ARHGAP26: variants seen among roughly 807,000 people sequenced by gnomAD.
The protein encoded by ARHGAP26 is Rho GTPase activating protein 26.
A neutral mutation model predicts 104.8 loss-of-function variants in ARHGAP26; 38 were observed. That is an observed-to-expected ratio of 0.36 (90% CI 0.28 to 0.48). The LOEUF (loss-of-function observed/expected upper bound fraction) is 0.48, where lower values mean the gene tolerates loss of function less well. ARHGAP26 is among the 20% of genes least tolerant of loss of function. The pLI is 0.99. For synonymous variants in ARHGAP26, 341 were observed against 340.0 expected (o/e 1.00, Z -0.03); for missense variants, 704 against 947.9 (o/e 0.74, Z 3.38).
intron 12 of ARHGAP26, among the ~76,000 whole-genome samples, chr5:143,025,753 C>A (rs1227590070): frequency 6.6e-6 from 1 of 152,218 alleles, no homozygotes; most frequent in African/African-American, 2.4e-5. Context: ...TAGTCCTCAG[C>A]CTGTGCTGTG....
rs1017633330 is a variant in ARHGAP26, at chr5:142,797,008, C to T, written c.154+26093C>T. Among the ~76,000 whole-genome samples, 18 of 152,276 alleles carry T rather than the reference C, an allele frequency of 1.2e-4. No homozygotes were observed. In the South Asian group the frequency reaches 3.7e-3, roughly 32 times the overall value. ...AGCCTGGTTGGCTATATCATCTGTG[C>T]AATAAGAATCCAAAAGTTGTTGGAA... On this transcript the variant is annotated intron_variant, in intron 1 of 22. Coordinates refer to ENST00000645722, the MANE Select transcript of ARHGAP26 (RefSeq NM_001135608.3).
chr5:143,178,642 ACAG>A (rs1803854335), intron 20 of ARHGAP26, among the ~76,000 whole-genome samples: 1 of 152,184 alleles, frequency 6.6e-6, no homozygotes, highest in Admixed American at 6.5e-5. Flanking sequence ...GTACTTAACA[ACAG>A]CTGCTGCTGC....
In ARHGAP26 at chr5:143,172,951, C is replaced by T. The variant is rs1215982203; in HGVS notation, c.1988+25570C>T. 1.7e-5 allele frequency: 3 copies of T among 179,724 alleles called. No individual in the cohort carries two copies. The East Asian group carries it at 2.8e-4, about 16-fold the overall frequency. The allele number at this position is 179,724 out of a possible 1,614,324, so 11.1% of individuals were successfully genotyped here. A position where few individuals can be genotyped will look rare whatever the true frequency, so the allele number is the denominator to read the frequency against. On this transcript the variant is annotated intron_variant, in intron 20 of 22. Transcript: ENST00000645722. ...TATTGAGGCTGACTGGAATTCTTGT[C>T]TCCATAGGGTTCATGCGAGTTCAGC... is the stretch of plus-strand genomic sequence containing the variant.
intron 17 of ARHGAP26, among the ~76,000 whole-genome samples, chr5:143,118,866 C>T (rs1487663958): frequency 6.6e-6 from 1 of 151,438 alleles, no homozygotes. Context: ...GTGCAGCACA[C>T]CAGCATGGCA....
chr5:143,003,116 A>C (rs1489303598), intron 11 of ARHGAP26, among the ~76,000 whole-genome samples: 1 of 152,198 alleles, frequency 6.6e-6, no homozygotes, highest in Non-Finnish European at 1.5e-5. Flanking sequence ...CACCCACAAC[A>C]ATCAGTGTTA....
chr5:142,995,000 A>G (rs1044589986), intron 11 of ARHGAP26, among the ~76,000 whole-genome samples: 2 of 152,234 alleles, frequency 1.3e-5, no homozygotes, highest in African/African-American at 4.8e-5. Context: ...CTTACACCTT[A>G]TACAAAAATT....
rs1410884685 is a variant in ARHGAP26 at position 143,224,584 on chromosome 5, A to G, written c.*2138A>G. The G allele has an allele frequency of 2.6e-5, 6 of 231,358 alleles. No homozygotes were observed. Among genetic ancestry groups the G allele is most frequent in the Non-Finnish European group, 4.3e-5 (5 of 116,918 alleles). The allele number at this position is 231,358 out of a possible 1,614,324, so 14.3% of individuals were successfully genotyped here. Reference sequence around the variant, plus strand: ...ATATCAGGCCAGAAAGAGATGAGTCAGTTGCTGTGCTCTTTACTTCTTTTT... The same window carrying G: ...ATATCAGGCCAGAAAGAGATGAGTCGGTTGCTGTGCTCTTTACTTCTTTTT... On this transcript the variant is annotated 3_prime_UTR_variant, in exon 23 of 23. Transcript: ENST00000645722.
intron 20 of ARHGAP26, among the ~76,000 whole-genome samples, chr5:143,201,203 G>A (rs1386109760): frequency 1.3e-5 from 2 of 152,184 alleles, no homozygotes; most frequent in Non-Finnish European, 2.9e-5. Context: ...ATGCTACAGT[G>A]TATGCTGTGT....
chr5:142,957,069 G>T (rs1769373198), intron 11 of ARHGAP26, among the ~76,000 whole-genome samples: 1 of 152,182 alleles, frequency 6.6e-6, no homozygotes, highest in South Asian at 2.1e-4. Context: ...ATAGACAAAG[G>T]AGGAGCTGGC....
intron 11 of ARHGAP26, among the ~76,000 whole-genome samples, chr5:142,966,418 TAAG>T (rs1771339317): frequency 2.0e-5 from 3 of 152,222 alleles, no homozygotes; most frequent in Admixed American, 1.3e-4. Context: ...GAAGTGCAAT[TAAG>T]AAGACAACTA....
chr5:143,153,208 A>T (rs1800051483), intron 20 of ARHGAP26, among the ~76,000 whole-genome samples: 1 of 152,218 alleles, frequency 6.6e-6, no homozygotes, highest in Non-Finnish European at 1.5e-5. Context: ...ATTTATGGCT[A>T]ATGGCTGAGG....
At chr5:142,963,194 ATATATG>A (rs1157515948) in intron 11 of ARHGAP26, among the ~76,000 whole-genome samples, 1 of 102,688 alleles carries the variant, frequency 9.7e-6, no homozygotes, top group Non-Finnish European at 1.7e-5. Flanking sequence ...ATATATATAT[ATATATG>A]TGTGTGTGTG....
At chr5:143,083,608 C>T (rs529408260) in intron 17 of ARHGAP26, among the ~76,000 whole-genome samples, 1 of 152,264 alleles carries the variant, frequency 6.6e-6, no homozygotes, top group South Asian at 2.1e-4. Context: ...AAGCGATGCT[C>T]CTGCCTCAGC....
intron 1 of ARHGAP26, chr5:142,771,280 C>T: frequency 4.0e-6 from 5 of 1,243,426 alleles, no homozygotes; most frequent in Non-Finnish European, 5.0e-6. Context: ...TCCACAGCTC[C>T]AGCTCCCTTA....
At position 143,225,822 on chromosome 5, in the gene ARHGAP26, A is replaced by T. The variant is rs550979845; in HGVS notation, c.*3376A>T. The T allele has an allele frequency of 3.5e-5, 8 of 228,986 alleles. No homozygotes were observed. Among genetic ancestry groups the T allele is most frequent in the Non-Finnish European group, 6.1e-5 (7 of 115,162 alleles). 14.2% of individuals were successfully genotyped at this position (228,986 alleles called of 1,614,324 possible). ...TGTGGCTGTGCGGTGCCCTTGACAG[A>T]TGGCTTCTCTGTTTCCCTTTGCCCA... On this transcript the variant is annotated 3_prime_UTR_variant, in exon 23 of 23. Transcript: ENST00000645722.
At chr5:143,152,512 A>G (rs1209659692) in intron 20 of ARHGAP26, among the ~76,000 whole-genome samples, 1 of 152,242 alleles carries the variant, frequency 6.6e-6, no homozygotes, top group Non-Finnish European at 1.5e-5. Flanking sequence ...GGTCTCTATA[A>G]TCTCACAGCT....
chr5:142,793,841 A>T (rs1760390479), intron 1 of ARHGAP26, among the ~76,000 whole-genome samples: 1 of 151,532 alleles, frequency 6.6e-6, no homozygotes. Context: ...GCCTGCTTCG[A>T]CCTCTCAGTG....
At chr5:143,068,756 A>G (rs1377425947) in intron 17 of ARHGAP26, among the ~76,000 whole-genome samples, 11 of 152,172 alleles carry the variant, frequency 7.2e-5, no homozygotes, top group African/African-American at 2.7e-4. Context: ...GAAGAACTCA[A>G]ATAGTTGTCT....
intron 17 of ARHGAP26, among the ~76,000 whole-genome samples, chr5:143,089,728 C>T (rs1791123098): frequency 1.3e-5 from 2 of 152,180 alleles, no homozygotes; most frequent in South Asian, 2.1e-4. Flanking sequence ...AATTTTCACT[C>T]ACCAAAATAT....
Sources: gnomAD v4.1 joint callset for allele counts (sites outside exome capture counted in the v4.1 genomes callset) on GRCh38, gnomAD v4.1.1 for gene constraint, MANE v1.5 for transcripts, NCBI Gene and HGNC (gene_info 2026-07-23, HGNC 2026-07-21) for gene names.